MACF1: variants seen among roughly 807,000 people sequenced by gnomAD.
MACF1 encodes microtubule-actin cross-linking factor 1.
A neutral mutation model predicts 854.8 loss-of-function variants in MACF1; 193 were observed. The ratio of observed to expected loss-of-function variants is 0.23; its 90% confidence interval spans 0.20 to 0.25. The LOEUF is 0.25. Among genes scored for constraint, MACF1 ranks in the 10% least tolerant of loss-of-function variants. The pLI, the probability that MACF1 is intolerant of heterozygous loss-of-function variation, is 1.00. For missense variants in MACF1, 7,722 were observed against 8,929.1 expected (o/e 0.86, Z 5.45); for synonymous variants, 3,185 against 3,226.7 (o/e 0.99, Z 0.44).
intron 58 of MACF1, chr1:39,414,519 A>G: frequency 6.2e-7 from 1 of 1,610,324 alleles, no homozygotes; most frequent in Non-Finnish European, 8.5e-7. Flanking sequence ...TAAAGAGTAA[A>G]GTGAGATTTG....
intron 2 of MACF1, among the ~76,000 whole-genome samples, chr1:39,113,614 T>C (rs1362803900): frequency 6.6e-6 from 1 of 152,210 alleles, no homozygotes; most frequent in Admixed American, 6.5e-5. Flanking sequence ...CACATGGTCA[T>C]ACAGAAGAAA....
At chr1:39,314,791 T>A (rs1354109333) in intron 26 of MACF1, among the ~76,000 whole-genome samples, 1 of 152,218 alleles carries the variant, frequency 6.6e-6, no homozygotes, top group African/African-American at 2.4e-5. Flanking sequence ...AATTGTTAAC[T>A]CACTGCAGTA....
chr1:39,382,672 A>G (rs960062160), intron 56 of MACF1, among the ~76,000 whole-genome samples: 3 of 145,684 alleles, frequency 2.1e-5, no homozygotes, highest in Non-Finnish European at 3.0e-5. Flanking sequence ...GTAGAGCGTG[A>G]CTCCGTCTCA....
intron 58 of MACF1, among the ~76,000 whole-genome samples, chr1:39,396,156 T>C (rs1404578868): frequency 6.6e-6 from 1 of 151,968 alleles, no homozygotes; most frequent in Non-Finnish European, 1.5e-5. Context: ...CTGGCCAACA[T>C]GGTGAAACCC....
In MACF1 at chr1:39,424,176, T is replaced by G; in HGVS notation, c.16298T>G (p.Leu5433Arg). Residue 5433 changes from leucine to arginine, a missense_variant, in exon 61 of 101, where the codon CTC (leucine) becomes CGC (arginine). By Grantham distance (102) the Leu-to-Arg change is moderately radical. Coordinates refer to ENST00000564288, the MANE Select transcript of MACF1 (RefSeq NM_001394062.1). ...CTTGAAAGTAGATGGACTGAACTAC[T>G]CAGTAAGGCAGCAGCCAGGTAAGAT... ...ESLESRWTEL[L>R]SKAAARQKQL... 8 of 1,613,548 alleles carry G rather than the reference T, an allele frequency of 5.0e-6. No individual in the cohort carries two copies. Among genetic ancestry groups the G allele is most frequent in the Non-Finnish European group, 6.8e-6 (8 of 1,179,850 alleles).
intron 2 of MACF1, among the ~76,000 whole-genome samples, chr1:39,128,663 C>T (rs1642922141): frequency 6.6e-6 from 1 of 152,014 alleles, no homozygotes; most frequent in South Asian, 2.1e-4. Context: ...CACGCCACTG[C>T]TCTCCAGCCT....
chr1:39,213,525 G>A (rs1644540956), intron 1 of MACF1, among the ~76,000 whole-genome samples: 1 of 151,994 alleles, frequency 6.6e-6, no homozygotes, highest in African/African-American at 2.4e-5. Flanking sequence ...GTTAGAGTCG[G>A]GGTTTTACCG....
chr1:39,484,029 T>C (rs1264084696), intron 99 of MACF1, among the ~76,000 whole-genome samples: 1 of 152,214 alleles, frequency 6.6e-6, no homozygotes, highest in East Asian at 1.9e-4. Flanking sequence ...GGCGGGTGCC[T>C]GTAGTCCCAG....
intron 2 of MACF1, among the ~76,000 whole-genome samples, chr1:39,187,094 C>A (rs559819762): frequency 6.6e-6 from 1 of 151,812 alleles, no homozygotes; most frequent in African/African-American, 2.4e-5. Context: ...TTTCTCTTCC[C>A]CCTTCTTCCC....
intron 2 of MACF1, chr1:39,154,280 G>C (rs1327681290): frequency 6.6e-6 from 1 of 152,210 alleles, no homozygotes; most frequent in Non-Finnish European, 1.5e-5. Context: ...CGTGTTCAGG[G>C]TGGTATGGCC....
At chr1:39,444,628 G>C in intron 79 of MACF1, 34 bp from the exon 80 acceptor site, 1 of 1,581,312 alleles carries the variant, frequency 6.3e-7, no homozygotes, top group South Asian at 1.1e-5. Context: ...CAGAGAATTC[G>C]TAGAATTGAT....
intron 2 of MACF1, among the ~76,000 whole-genome samples, chr1:39,165,729 A>G (rs1422379254): frequency 6.6e-6 from 1 of 152,158 alleles, no homozygotes; most frequent in Non-Finnish European, 1.5e-5. Flanking sequence ...TACTACTTTT[A>G]TGTTGATTAC....
chr1:39,467,352 G>A (rs1048664658), intron 95 of MACF1, among the ~76,000 whole-genome samples: 15 of 151,988 alleles, frequency 9.9e-5, no homozygotes, highest in South Asian at 2.1e-4. Flanking sequence ...GCGACAGAAC[G>A]AGACTCCATC....
At chr1:39,126,870 A>G (rs1310130008) in intron 2 of MACF1, among the ~76,000 whole-genome samples, 1 of 152,196 alleles carries the variant, frequency 6.6e-6, no homozygotes, top group Non-Finnish European at 1.5e-5. Context: ...AGGAGTGAAC[A>G]TATATGAAAT....
intron 2 of MACF1, among the ~76,000 whole-genome samples, chr1:39,235,743 C>T (rs1005428540): frequency 2.3e-4 from 35 of 152,276 alleles, no homozygotes; most frequent in African/African-American, 7.2e-4. Context: ...GACGTATTCT[C>T]TCTCTGTGTG....
At chr1:39,212,906 G>A (rs1431097181) in intron 1 of MACF1, among the ~76,000 whole-genome samples, 3 of 152,226 alleles carry the variant, frequency 2.0e-5, no homozygotes, top group East Asian at 1.9e-4. Flanking sequence ...CATTATAGGC[G>A]TAAGCCACTG....
intron 2 of MACF1, among the ~76,000 whole-genome samples, chr1:39,147,268 CTCTTT>C (rs1181430150): frequency 1.3e-5 from 2 of 149,942 alleles, no homozygotes; most frequent in Non-Finnish European, 3.0e-5. Context: ...TTCCTTCCTT[CTCTTT>C]TCTTTTTCCT....
In MACF1 at chr1:39,452,285, C is replaced by T; in HGVS notation, c.20548C>T (p.Arg6850Cys). 1.9e-6 allele frequency: 3 copies of T among 1,614,188 alleles called. No individual in the cohort carries two copies. The highest frequency in any genetic ancestry group is 2.5e-6 in the Non-Finnish European group (3 of 1,180,030). The change falls in exon 86 of 101, where the codon CGC becomes TGC. Residue 6850 changes from arginine to cysteine, a missense_variant. Arg to Cys is a radical substitution (Grantham distance 180, BLOSUM62 -3). This residue lies in a region of MACF1 where 729 missense variants were observed against 900.5 expected (regional missense o/e 0.81). Coordinates refer to ENST00000564288, the MANE Select transcript of MACF1 (RefSeq NM_001394062.1). The part of the protein sequence containing the change: ...VKGQLQELST[R>C]WDTVCKLSVS... ...AGGACAGCTCCAGGAACTGAGCACT[C>T]GCTGGGACACTGTCTGTAAACTCTC...
intron 2 of MACF1, among the ~76,000 whole-genome samples, chr1:39,104,550 C>G (rs1306862402): frequency 6.6e-6 from 1 of 152,312 alleles, no homozygotes; most frequent in East Asian, 1.9e-4. Context: ...TCTCTCTGTT[C>G]AGATGGCTGT....
Sources: gnomAD v4.1 joint callset for allele counts (sites outside exome capture counted in the v4.1 genomes callset) on GRCh38, gnomAD v4.1.1 for gene constraint, gnomAD v4.1.1 regional missense constraint, MANE v1.5 for transcripts, NCBI Gene and HGNC (gene_info 2026-07-23, HGNC 2026-07-21) for gene names.